Variants in NPFFR2 observed in about 807,000 individuals in gnomAD.
NPFFR2 encodes G-protein coupled receptor 74.
A neutral mutation model predicts 13.1 loss-of-function variants in NPFFR2; 15 were observed. That is an observed-to-expected ratio of 1.15 (90% CI 0.77 to 1.76). The LOEUF (loss-of-function observed/expected upper bound fraction) is 1.76, where lower values mean the gene tolerates loss of function less well. NPFFR2 is among the 40% of genes most tolerant of loss of function. The probability of loss-of-function intolerance (pLI) is 0.00; values close to 1 mark genes in which losing one functional copy is unlikely to be tolerated. For missense variants in NPFFR2, 572 were observed against 503.5 expected (o/e 1.14, Z -1.30); for synonymous variants, 190 against 175.7 (o/e 1.08, Z -0.65).
intron 1 of NPFFR2, among the ~76,000 whole-genome samples, chr4:72,049,290 T>C (rs1719473003): frequency 2.6e-5 from 4 of 152,108 alleles, no homozygotes; most frequent in Admixed American, 2.6e-4. Flanking sequence ...CTGTGTTGTG[T>C]CTTTGGTTGT....
intron 1 of NPFFR2, among the ~76,000 whole-genome samples, chr4:72,067,479 T>G (rs1009370267): frequency 2.0e-5 from 3 of 152,212 alleles, no homozygotes; most frequent in Non-Finnish European, 4.4e-5. Context: ...CTTCCTTCTA[T>G]TCATAATAAT....
chr4:72,133,798 G>T (rs1722324704), intron 2 of NPFFR2, among the ~76,000 whole-genome samples: 1 of 151,996 alleles, frequency 6.6e-6, no homozygotes. Context: ...TCCTGATTTG[G>T]CTCTCGGCTT....
At chr4:72,062,396 A>G (rs1257361598) in intron 1 of NPFFR2, among the ~76,000 whole-genome samples, 2 of 152,176 alleles carry the variant, frequency 1.3e-5, no homozygotes, top group East Asian at 3.9e-4. Context: ...ATAAAACAAA[A>G]TCTTCCAATT....
chr4:72,126,404 T>G (rs1722044930), intron 1 of NPFFR2, among the ~76,000 whole-genome samples: 1 of 152,222 alleles, frequency 6.6e-6, no homozygotes, highest in South Asian at 2.1e-4. Context: ...CATTTTCATT[T>G]ATGGGCAGAT....
intron 3 of NPFFR2, among the ~76,000 whole-genome samples, chr4:72,143,502 T>A (rs1722692859): frequency 6.6e-6 from 1 of 152,210 alleles, no homozygotes; most frequent in Non-Finnish European, 1.5e-5. Context: ...CTCAGATGAC[T>A]GGATGATGCC....
chr4:72,090,325 T>A (rs1441024437), intron 1 of NPFFR2, among the ~76,000 whole-genome samples: 1 of 152,096 alleles, frequency 6.6e-6, no homozygotes, highest in African/African-American at 2.4e-5. Flanking sequence ...TGGTTCCATA[T>A]GAGTTTTAGG....
chr4:72,133,792 G>C (rs1277758732), intron 2 of NPFFR2, among the ~76,000 whole-genome samples: 2 of 152,092 alleles, frequency 1.3e-5, no homozygotes, highest in African/African-American at 4.8e-5. Context: ...TTGAGTTCCT[G>C]ATTTGGCTCT....
rs779719081 is a variant in NPFFR2, at chr4:72,147,629, G to GCCCTA, written c.1080_1081insCCCTA (p.Glu361ProfsTer2). On this transcript the variant is annotated frameshift_variant, in exon 4 of 4. Transcript: ENST00000308744. LOFTEE classifies it low-confidence loss of function (END_TRUNC). ...TCTGCCAAAAAAGAGCAAAGCCTAT[G>GCCCTA]GAAGCTTATGCCCTAAAAGCTAAAA... The GCCCTA allele has an allele frequency of 1.2e-6, 2 of 1,614,004 alleles. No individual in the cohort carries two copies. The highest frequency in any genetic ancestry group is 3.3e-5 in the Admixed American group (2 of 59,986).
intron 1 of NPFFR2, among the ~76,000 whole-genome samples, chr4:72,046,715 T>G (rs1719392147): frequency 6.6e-6 from 1 of 152,174 alleles, no homozygotes; most frequent in Admixed American, 6.5e-5. Flanking sequence ...AGAAAAAGCC[T>G]AGATTGCTGT....
rs1229927325 is a variant in NPFFR2, at chr4:72,080,175, CT to C, written c.-8+47982del. ...GTTGTTGTTTTTTTGTTTTGTTTTT[CT>C]TTTTTTGAGATGGAGTCTTGCTCTG... On this transcript the variant is annotated intron_variant, in intron 1 of 3. Coordinates refer to ENST00000308744, the MANE Select transcript of NPFFR2 (RefSeq NM_004885.3). 1.5e-3 allele frequency among the ~76,000 whole-genome samples: 211 copies of C among 143,912 alleles called. 2 individuals carry two copies. Among genetic ancestry groups the C allele is most frequent in the African/African-American group, 5.0e-3 (200 of 39,792 alleles). 94.4% of individuals were successfully genotyped at this position (143,912 alleles called of 152,430 possible).
chr4:72,102,589 T>G (rs1298739866), intron 1 of NPFFR2, among the ~76,000 whole-genome samples: 1 of 140,954 alleles, frequency 7.1e-6, no homozygotes. Context: ...TGTGTTCTCA[T>G]TGTTCAATTC....
At chr4:72,079,207 G>T (rs1720530948) in intron 1 of NPFFR2, among the ~76,000 whole-genome samples, 1 of 151,820 alleles carries the variant, frequency 6.6e-6, no homozygotes. Flanking sequence ...GCTCTTCATT[G>T]TATGATTTCT....
At chr4:72,126,986 T>C (rs960687946) in intron 1 of NPFFR2, among the ~76,000 whole-genome samples, 1 of 151,630 alleles carries the variant, frequency 6.6e-6, no homozygotes, top group Non-Finnish European at 1.5e-5. Flanking sequence ...TACCTAGGAG[T>C]AGTTGTGGGG....
At position 72,062,279 on chromosome 4, in the gene NPFFR2, G is replaced by T. The variant is rs192649384; in HGVS notation, c.-8+30079G>T. Among the ~76,000 whole-genome samples, 15 of 152,072 alleles carry T rather than the reference G, an allele frequency of 9.9e-5. No homozygotes were observed. In the East Asian group the frequency reaches 1.2e-3, roughly 12 times the overall value. ...ATTTTACTTTTTCATGAAGGCCAAGGAAAAATGCCACAGGTCTTTTTACTC... is the reference window on the plus strand; with the variant it reads ...ATTTTACTTTTTCATGAAGGCCAAGTAAAAATGCCACAGGTCTTTTTACTC... On this transcript the variant is annotated intron_variant, in intron 1 of 3. Coordinates refer to ENST00000308744, the MANE Select transcript of NPFFR2 (RefSeq NM_004885.3).
At chr4:72,036,768 T>C (rs1190218574) in intron 1 of NPFFR2, among the ~76,000 whole-genome samples, 2 of 151,788 alleles carry the variant, frequency 1.3e-5, no homozygotes, top group African/African-American at 2.4e-5. Context: ...AGAAAAATTA[T>C]AATGAGAGGA....
chr4:72,083,431 C>T (rs1041067894), intron 1 of NPFFR2, among the ~76,000 whole-genome samples: 7 of 152,112 alleles, frequency 4.6e-5, no homozygotes, highest in African/African-American at 1.7e-4. Flanking sequence ...TTGAATTTCC[C>T]TGATGATTAC....
chr4:72,055,638 T>C (rs1041574533), intron 1 of NPFFR2, among the ~76,000 whole-genome samples: 2 of 151,974 alleles, frequency 1.3e-5, no homozygotes, highest in African/African-American at 2.4e-5. Context: ...GAGGAAGGCA[T>C]GTCCAATGCC....
intron 1 of NPFFR2, 125 bp downstream of exon 1, chr4:72,032,325 C>A: frequency 8.9e-7 from 1 of 1,117,830 alleles, no homozygotes; most frequent in Non-Finnish European, 1.3e-6. Flanking sequence ...TTTTTCAAAT[C>A]CCTTCCTAAT....
At chr4:72,127,367 T>TTTTC (rs1722086439) in intron 1 of NPFFR2, among the ~76,000 whole-genome samples, 1 of 107,534 alleles carries the variant, frequency 9.3e-6, no homozygotes, top group African/African-American at 4.2e-5. Context: ...TTTCTTTTTT[T>TTTTC]TTTTTTTTTT....
Sources: gnomAD v4.1 joint callset for allele counts (sites outside exome capture counted in the v4.1 genomes callset) on GRCh38, gnomAD v4.1.1 for gene constraint, MANE v1.5 for transcripts, NCBI Gene and HGNC (gene_info 2026-07-23, HGNC 2026-07-21) for gene names.